Variants in COL23A1 observed in about 807,000 individuals in gnomAD.
The protein encoded by COL23A1 is collagen alpha-1(XXIII) chain.
In COL23A1, 97 loss-of-function variants were observed where a neutral mutation model predicts 99.3. The ratio of observed to expected loss-of-function variants is 0.98; its 90% CI spans 0.83 to 1.16. COL23A1 has a LOEUF of 1.16. COL23A1 is among the 50% of genes most tolerant of loss of function. The pLI is 0.00. For missense variants in COL23A1, 762 were observed against 757.4 expected (o/e 1.01, Z -0.07); for synonymous variants, 320 against 308.2 (o/e 1.04, Z -0.40).
At chr5:178,471,235 T>C (rs530779058) in intron 2 of COL23A1, among the ~76,000 whole-genome samples, 41 of 105,670 alleles carry the variant, frequency 3.9e-4, no homozygotes, top group Non-Finnish European at 8.0e-4. Flanking sequence ...AATCATGCGT[T>C]TTATGTTTTC....
intron 2 of COL23A1, among the ~76,000 whole-genome samples, chr5:178,539,117 G>A (rs928113692): frequency 6.6e-6 from 1 of 152,160 alleles, no homozygotes; most frequent in African/African-American, 2.4e-5. Flanking sequence ...GTTTCTGTGT[G>A]GGGCAATGAA....
rs1014938163 is a variant in COL23A1 at position 178,263,894 on chromosome 5, C to T, written c.523-570G>A. Among the ~76,000 whole-genome samples, 18 of 152,254 alleles carry T rather than the reference C, an allele frequency of 1.2e-4. No homozygotes were observed. In the South Asian group the frequency reaches 1.2e-3, roughly 11 times the overall value. On this transcript the variant is annotated intron_variant, in intron 8 of 28. Coordinates refer to ENST00000390654, the MANE Select transcript of COL23A1 (RefSeq NM_173465.4). ...GCAATCAACCCAAAGGAACAGGGCA[C>T]GACACATGCAACACCTCAGATGCAT... is the stretch of plus-strand genomic sequence containing the variant.
intron 27 of COL23A1, among the ~76,000 whole-genome samples, chr5:178,241,270 C>T (rs969657256): frequency 6.6e-6 from 1 of 152,046 alleles, no homozygotes; most frequent in Non-Finnish European, 1.5e-5. Context: ...GTTTCAGGCA[C>T]CAGTGCCTGA....
At position 178,365,494 on chromosome 5, in the gene COL23A1, C is replaced by G. The variant is rs1337487280; in HGVS notation, c.362-58575G>C. ...TTGACGGGTACCCGCCACCCAATCC[C>G]TCTTTCTTCTGATGTCGACAGGATC... On this transcript the variant is annotated intron_variant, in intron 2 of 28. Transcript: ENST00000390654. This position sits in a 1 kb window ranked among gnomAD's most constrained non-coding sequence, Gnocchi z 5.2. 6.6e-6 allele frequency among the ~76,000 whole-genome samples: 1 copy of G among 152,122 alleles called. No individual in the cohort carries two copies. The highest frequency in any genetic ancestry group is 1.5e-5 in the Non-Finnish European group (1 of 68,020).
intron 17 of COL23A1, among the ~76,000 whole-genome samples, chr5:178,250,843 T>C (rs1466852513): frequency 6.6e-6 from 1 of 151,936 alleles, no homozygotes; most frequent in Non-Finnish European, 1.5e-5. Flanking sequence ...TAGCTGGGCT[T>C]GGTGGCACAG....
chr5:178,577,890 C>T (rs995959856), intron 1 of COL23A1, among the ~76,000 whole-genome samples: 7 of 152,268 alleles, frequency 4.6e-5, no homozygotes, highest in Non-Finnish European at 1.0e-4. Context: ...CATGAGCCGT[C>T]AGGGCCCAGC....
intron 2 of COL23A1, among the ~76,000 whole-genome samples, chr5:178,364,575 T>C (rs1762360726): frequency 6.6e-6 from 1 of 152,156 alleles, no homozygotes; most frequent in South Asian, 2.1e-4. Context: ...TATCTGATCC[T>C]GCCTCTCCCA....
intron 17 of COL23A1, 117 bp from the exon 18 acceptor site, chr5:178,250,222 C>G: frequency 8.6e-7 from 1 of 1,161,634 alleles, no homozygotes; most frequent in South Asian, 1.3e-5. Flanking sequence ...GCAGTTGGAC[C>G]TCTAGCTGTG....
intron 5 of COL23A1, among the ~76,000 whole-genome samples, chr5:178,275,110 C>A (rs1051756022): frequency 1.3e-5 from 2 of 152,248 alleles, no homozygotes; most frequent in Admixed American, 1.3e-4. Context: ...CAGTCCCTTG[C>A]TTTGCTCAGG....
chr5:178,535,621 GT>G (rs1283065278), intron 2 of COL23A1, among the ~76,000 whole-genome samples: 1 of 152,276 alleles, frequency 6.6e-6, no homozygotes, highest in Non-Finnish European at 1.5e-5. Context: ...AACACAAGGC[GT>G]GGTCACAGGA....
At position 178,258,557 on chromosome 5, in the gene COL23A1, G is replaced by A. The variant is rs561157244; in HGVS notation, c.730-990C>T. The stretch of plus-strand genomic sequence containing the variant: ...ACTACAGGCGCCCGCCACCACGCCC[G>A]GCTAATTTTTTGTATTTTTAGTAGA... On this transcript the variant is annotated intron_variant, in intron 12 of 28. Transcript: ENST00000390654. Among the ~76,000 whole-genome samples the A allele has an allele frequency of 7.9e-5, 12 of 151,598 alleles. No homozygotes were observed. In the East Asian group the frequency reaches 1.6e-3, roughly 20 times the overall value.
intron 3 of COL23A1, among the ~76,000 whole-genome samples, chr5:178,304,371 C>T (rs1462554743): frequency 6.6e-6 from 1 of 152,068 alleles, no homozygotes. Flanking sequence ...ATTAGCTGGG[C>T]GTGGTGACGC....
At chr5:178,300,767 T>C (rs1420196628) in intron 3 of COL23A1, among the ~76,000 whole-genome samples, 1 of 152,144 alleles carries the variant, frequency 6.6e-6, no homozygotes, top group East Asian at 1.9e-4. Flanking sequence ...TTTCACCATG[T>C]TGGCCAGGCT....
chr5:178,251,317 G>A (rs56132777), intron 17 of COL23A1, among the ~76,000 whole-genome samples: 9 of 151,828 alleles, frequency 5.9e-5, no homozygotes, highest in Admixed American at 2.0e-4. Flanking sequence ...CACCGTGCCC[G>A]GCCGCAAGAT....
chr5:178,275,096 GC>G (rs1756511000), intron 5 of COL23A1, among the ~76,000 whole-genome samples: 1 of 152,352 alleles, frequency 6.6e-6, no homozygotes, highest in South Asian at 2.1e-4. Context: ...CCCTGGTGCT[GC>G]CTCAGTCCCT....
chr5:178,261,627 T>C (rs1416952434), intron 11 of COL23A1, 95 bp downstream of exon 11: 1 of 838,826 alleles, frequency 1.2e-6, no homozygotes, highest in Non-Finnish European at 2.0e-6. Context: ...TTGGCTTCAC[T>C]AGGGGTGGGG....
At chr5:178,548,512 C>T (rs1036142875) in intron 2 of COL23A1, among the ~76,000 whole-genome samples, 7 of 151,836 alleles carry the variant, frequency 4.6e-5, no homozygotes, top group Non-Finnish European at 7.4e-5. Flanking sequence ...CACGTCCTGC[C>T]AATGTCCTGT....
intron 2 of COL23A1, among the ~76,000 whole-genome samples, chr5:178,319,574 A>T (rs1037324888): frequency 6.6e-6 from 1 of 152,162 alleles, no homozygotes; most frequent in South Asian, 2.1e-4. Flanking sequence ...ACTTGCCAGG[A>T]GAAGCTGGGC....
intron 2 of COL23A1, among the ~76,000 whole-genome samples, chr5:178,518,451 C>A (rs1295821533): frequency 1.3e-5 from 2 of 150,460 alleles, no homozygotes; most frequent in Admixed American, 1.3e-4. Context: ...CAGAGGGGCT[C>A]CTCACTTCCC....
Sources: gnomAD v4.1 joint callset for allele counts (sites outside exome capture counted in the v4.1 genomes callset) on GRCh38, gnomAD v4.1.1 for gene constraint, Gnocchi (gnomAD v3.1) non-coding constraint, MANE v1.5 for transcripts, NCBI Gene and HGNC (gene_info 2026-07-23, HGNC 2026-07-21) for gene names.